Variants in ASS1 observed in about 807,000 individuals in gnomAD.
The protein encoded by ASS1 is argininosuccinate synthase 1, also known as argininosuccinate synthase.
A neutral mutation model predicts 60.5 loss-of-function variants in ASS1; 58 were observed. That is an observed-to-expected ratio of 0.96 (90% CI 0.78 to 1.19). ASS1 has a LOEUF of 1.19. ASS1 is among the 50% of genes most tolerant of loss of function. The probability of loss-of-function intolerance (pLI) is 0.00; values close to 1 mark genes in which losing one functional copy is unlikely to be tolerated. For missense variants in ASS1, 454 were observed against 547.3 expected (o/e 0.83, Z 1.70); for synonymous variants, 200 against 206.9 (o/e 0.97, Z 0.29).
At chr9:130,469,346 T>G (rs977623672) in intron 6 of ASS1, among the ~76,000 whole-genome samples, 1 of 151,902 alleles carries the variant, frequency 6.6e-6, no homozygotes, top group Non-Finnish European at 1.5e-5. Context: ...ATATGGTAAC[T>G]GTTGATGAGA....
rs116489392 is a variant in ASS1 at position 130,453,811 on chromosome 9, C to T, written c.106-494C>T. Reference sequence around the variant, plus strand: ...GAGGTCAGGGCACTGGCCACAGGGACGGAGCTGGAAGTTCCTGAGCACGGG... The same window carrying T: ...GAGGTCAGGGCACTGGCCACAGGGATGGAGCTGGAAGTTCCTGAGCACGGG... On this transcript the variant is annotated intron_variant, in intron 2 of 14. Transcript: ENST00000352480. Among the ~76,000 whole-genome samples the T allele has an allele frequency of 4.1e-3, 630 of 152,304 alleles. 2 individuals are homozygous for T. Among genetic ancestry groups the T allele is most frequent in the Middle Eastern group, 0.02 (6 of 294 alleles).
At chr9:130,472,849 C>A (rs933340632) in intron 8 of ASS1, among the ~76,000 whole-genome samples, 1 of 152,196 alleles carries the variant, frequency 6.6e-6, no homozygotes, top group African/African-American at 2.4e-5. Context: ...CCCAAGCATG[C>A]TGGGCAACCA....
At chr9:130,473,594 C>T (rs1343753759) in intron 8 of ASS1, among the ~76,000 whole-genome samples, 4 of 152,192 alleles carry the variant, frequency 2.6e-5, no homozygotes, top group Non-Finnish European at 4.4e-5. Flanking sequence ...TGGGGCTCAA[C>T]GTCAGGACGC....
rs959146540 is a variant in ASS1, at chr9:130,488,821, G to A, written c.839-512G>A. Among the ~76,000 whole-genome samples, 3 of 152,210 alleles carry A rather than the reference G, an allele frequency of 2.0e-5. No homozygotes were observed. Among genetic ancestry groups the A allele is most frequent in the Admixed American group, 6.5e-5 (1 of 15,288 alleles). On this transcript the variant is annotated intron_variant, in intron 11 of 14. Transcript: ENST00000352480. The surrounding 1 kb of genome is among the most constrained non-coding windows in gnomAD (Gnocchi z 5.2). ...GCGGTCAGCCTAGGTGATTGCCCAA[G>A]CCCTCTGCCACCCCAGTGGCCTCTG...
At chr9:130,456,967 A>G (rs1845463882) in intron 3 of ASS1, among the ~76,000 whole-genome samples, 1 of 152,184 alleles carries the variant, frequency 6.6e-6, no homozygotes, top group Non-Finnish European at 1.5e-5. Flanking sequence ...TTTGTGGATT[A>G]CATCTGTTGA....
At chr9:130,466,868 G>A in intron 6 of ASS1, 69 bp downstream of exon 6, 1 of 1,555,006 alleles carries the variant, frequency 6.4e-7, no homozygotes, top group Non-Finnish European at 8.9e-7. Flanking sequence ...GTCCCTGCTG[G>A]GGGCTGTCTG....
Position 130,470,035 on chromosome 9 carries a change from A to T in ASS1, c.496-799A>T, listed in dbSNP as rs1469667866. On this transcript the variant is annotated intron_variant, in intron 6 of 14. Transcript: ENST00000352480. This position sits in a 1 kb window ranked among gnomAD's most constrained non-coding sequence, Gnocchi z 4.3. ...GCAGTGCCAGGTGTCCGAGTGCAGG[A>T]GGAGGCTGGAGTGCACGAGCTGGAT... Among the ~76,000 whole-genome samples, 1 of 152,072 alleles carries T rather than the reference A, an allele frequency of 6.6e-6. No individual in the cohort carries two copies. Among genetic ancestry groups the T allele is most frequent in the Non-Finnish European group, 1.5e-5 (1 of 68,012 alleles).
intron 1 of ASS1, among the ~76,000 whole-genome samples, chr9:130,445,847 G>T (rs568043526): frequency 3.3e-4 from 51 of 152,258 alleles, no homozygotes; most frequent in African/African-American, 1.2e-3. Flanking sequence ...GAGTCAGGCT[G>T]CAGGTCTCAG....
chr9:130,454,369 A>G lies in ASS1; in HGVS notation c.170A>G (p.Lys57Arg). The G allele has an allele frequency of 6.2e-7, 1 of 1,613,714 alleles. No individual in the cohort carries two copies. The highest frequency in any genetic ancestry group is 8.5e-7 in the Non-Finnish European group (1 of 1,179,816). ...ARKKALKLGA[K>R]KVFIEDVSRE... The stretch of plus-strand genomic sequence containing the variant: ...AAGAAGGCACTGAAGCTTGGGGCCA[A>G]AAAGGTACCAGGCGGGAGGCAGGGA... Residue 57 changes from lysine to arginine, a missense_variant, in exon 3 of 15, where the codon AAA becomes AGA. Lys to Arg is a conservative substitution (Grantham distance 26). Coordinates refer to ENST00000352480, the MANE Select transcript of ASS1 (RefSeq NM_054012.4).
At chr9:130,474,002 C>T (rs923670045) in intron 8 of ASS1, among the ~76,000 whole-genome samples, 37 of 124,106 alleles carry the variant, frequency 3.0e-4, no homozygotes, top group Non-Finnish European at 6.4e-4. Flanking sequence ...TCGCCCTCTC[C>T]CCCTAGCCCC....
At chr9:130,474,481 G>A (rs986965700) in intron 8 of ASS1, among the ~76,000 whole-genome samples, 1 of 152,228 alleles carries the variant, frequency 6.6e-6, no homozygotes, top group African/African-American at 2.4e-5. Flanking sequence ...GGAGGTGGGA[G>A]AGAGCTGGGC....
Position 130,489,239 on chromosome 9 carries a change from A to G in ASS1, c.839-94A>G. On this transcript the variant is annotated intron_variant, in intron 11 of 14. Coordinates refer to ENST00000352480, the MANE Select transcript of ASS1 (RefSeq NM_054012.4). This position sits in a 1 kb window ranked among gnomAD's most constrained non-coding sequence, Gnocchi z 4.1. Reference sequence around the variant, plus strand: ...GTCTCCTGTCAGACGACTCATTATTATTATTATTTTTTTTTTTGTCATTTG... The same window carrying G: ...GTCTCCTGTCAGACGACTCATTATTGTTATTATTTTTTTTTTTGTCATTTG... 1.4e-6 allele frequency: 2 copies of G among 1,436,114 alleles called. No individual in the cohort carries two copies. Among genetic ancestry groups the G allele is most frequent in the Non-Finnish European group, 9.7e-7 (1 of 1,035,486 alleles). The allele number at this position is 1,436,114 out of a possible 1,614,324, so 89.0% of individuals were successfully genotyped here. A position where few individuals can be genotyped will look rare whatever the true frequency, so the allele number is the denominator to read the frequency against.
chr9:130,496,832 G>A (rs1027794385), intron 13 of ASS1, among the ~76,000 whole-genome samples: 1 of 152,190 alleles, frequency 6.6e-6, no homozygotes, highest in African/African-American at 2.4e-5. Flanking sequence ...CTAGAGATGG[G>A]GCAGGCCCCT....
intron 3 of ASS1, among the ~76,000 whole-genome samples, chr9:130,456,414 T>C (rs1027642023): frequency 7.3e-5 from 11 of 151,334 alleles, no homozygotes; most frequent in Non-Finnish European, 7.4e-5. Flanking sequence ...TGCAGTAAGC[T>C]GAAATCACAC....
At chr9:130,485,122 C>T (rs1200217626) in intron 11 of ASS1, among the ~76,000 whole-genome samples, 1 of 152,172 alleles carries the variant, frequency 6.6e-6, no homozygotes, top group Non-Finnish European at 1.5e-5. Flanking sequence ...GGGCCAGTAG[C>T]TGGAGGACCT....
At chr9:130,448,838 A>C (rs1845259535) in intron 1 of ASS1, among the ~76,000 whole-genome samples, 2 of 152,144 alleles carry the variant, frequency 1.3e-5, no homozygotes, top group Admixed American at 1.3e-4. Context: ...TGCTGGGATT[A>C]CAGGCATGAA....
chr9:130,457,303 T>C (rs1350134073), intron 3 of ASS1, among the ~76,000 whole-genome samples: 1 of 152,110 alleles, frequency 6.6e-6, no homozygotes, highest in Non-Finnish European at 1.5e-5. Context: ...AGATCCCATC[T>C]CTACAAAAAA....
intron 3 of ASS1, among the ~76,000 whole-genome samples, chr9:130,456,755 G>A (rs956405598): frequency 3.9e-5 from 6 of 151,926 alleles, no homozygotes; most frequent in African/African-American, 1.5e-4. Flanking sequence ...TTTGAGACCA[G>A]CCTGGCCAAC....
intron 4 of ASS1, among the ~76,000 whole-genome samples, chr9:130,461,189 T>A (rs1845581694): frequency 8.5e-6 from 1 of 118,028 alleles, no homozygotes; most frequent in African/African-American, 3.5e-5. Flanking sequence ...GGCATTCAGG[T>A]CTGGTGGAGT....
Sources: allele counts gnomAD v4.1 joint callset (sites outside exome capture counted in the v4.1 genomes callset), GRCh38; gene constraint gnomAD v4.1.1; non-coding constraint Gnocchi (gnomAD v3.1); transcripts MANE v1.5; gene names NCBI Gene and HGNC (gene_info 2026-07-23, HGNC 2026-07-21).